Variants in LAMA1 observed in about 807,000 individuals in gnomAD.
The protein encoded by LAMA1 is laminin subunit alpha 1.
Under a neutral mutation model 348.7 loss-of-function variants are expected in LAMA1, and 219 were observed. The observed-to-expected ratio is 0.63, with a 90% confidence interval of 0.56 to 0.70. The LOEUF is 0.70. LAMA1 is among the 30% of genes least tolerant of loss of function. The pLI is 0.00. For synonymous variants in LAMA1, 1,487 were observed against 1,491.0 expected (o/e 1.00, Z 0.06); for missense variants, 3,744 against 3,888.0 (o/e 0.96, Z 0.99).
At chr18:7,076,662 TA>T (rs57167873) in intron 3 of LAMA1, among the ~76,000 whole-genome samples, 8,582 of 135,620 alleles carry the variant, frequency 0.063, 625 homozygotes, top group African/African-American at 0.19. Context: ...GGATCCTGGT[TA>T]AAAAAAAAAA....
At chr18:6,995,226 G>A (rs982614274) in intron 34 of LAMA1, 131 bp downstream of exon 34, 17 of 740,134 alleles carry the variant, frequency 2.3e-5, no homozygotes, top group Middle Eastern at 3.1e-4. Context: ...TAAGTACCTG[G>A]AGCACAGCTC....
At chr18:6,989,481 A>G (rs891838169) in intron 36 of LAMA1, among the ~76,000 whole-genome samples, 1 of 152,338 alleles carries the variant, frequency 6.6e-6, no homozygotes, top group African/African-American at 2.4e-5. Context: ...TTTAAGAATT[A>G]TAATTAAAAA....
chr18:7,067,545 G>T (rs992065520), intron 3 of LAMA1, among the ~76,000 whole-genome samples: 1 of 151,962 alleles, frequency 6.6e-6, no homozygotes, highest in East Asian at 1.9e-4. Flanking sequence ...AATTGGCTGG[G>T]AAGGGGGTGG....
chr18:7,064,477 G>A (rs572914772), intron 3 of LAMA1, among the ~76,000 whole-genome samples: 31 of 152,172 alleles, frequency 2.0e-4, no homozygotes, highest in African/African-American at 6.3e-4. Context: ...ACCTGATTTC[G>A]GTCACATTCT....
At chr18:7,010,493 A>G in intron 25 of LAMA1, 108 bp from the exon 26 acceptor site, 2 of 1,029,420 alleles carry the variant, frequency 1.9e-6, no homozygotes, top group South Asian at 1.4e-5. Flanking sequence ...TTAAAAATAC[A>G]TCACATGGGT....
rs1308451803 is a variant in LAMA1 at position 7,033,081 on chromosome 18, G to A, written c.2066C>T (p.Ser689Phe). The change falls in exon 15 of 63, where the codon TCT becomes TTT. Residue 689 changes from serine (S) to phenylalanine (F), a missense_variant. By Grantham distance (155) the Ser-to-Phe change is radical (BLOSUM62 -2). Coordinates refer to ENST00000389658, the MANE Select transcript of LAMA1 (RefSeq NM_005559.4). ...KMALYRLESV[S>F]LDIASSNAID... The stretch of plus-strand genomic sequence containing the variant: ...GGCATTAGAGCTGGCTATGTCCAGA[G>A]AGACGGACTCCAACCTACAAATAGA... The A allele has an allele frequency of 3.1e-6, 5 of 1,610,440 alleles. No homozygotes were observed. The highest frequency in any genetic ancestry group is 4.2e-6 in the Non-Finnish European group (5 of 1,178,230).
At chr18:6,956,439 T>C (rs1304906793) in intron 56 of LAMA1, 197 bp downstream of exon 56, 3 of 807,920 alleles carry the variant, frequency 3.7e-6, no homozygotes, top group Non-Finnish European at 6.3e-6. Context: ...AATCTATGGA[T>C]TGGGCCGTGT....
At chr18:6,962,693 T>A (rs1255078594) in intron 51 of LAMA1, among the ~76,000 whole-genome samples, 1 of 152,224 alleles carries the variant, frequency 6.6e-6, no homozygotes, top group Non-Finnish European at 1.5e-5. Flanking sequence ...CCAGTCTCCA[T>A]GTAGAGTAGA....
chr18:7,083,375 G>A (rs975558399), intron 1 of LAMA1, among the ~76,000 whole-genome samples: 4 of 151,552 alleles, frequency 2.6e-5, no homozygotes, highest in East Asian at 3.9e-4. Flanking sequence ...TAATAGAGAC[G>A]GAGTTTCACC....
chr18:6,957,712 T>A (rs1298919519), intron 55 of LAMA1, among the ~76,000 whole-genome samples: 1 of 152,134 alleles, frequency 6.6e-6, no homozygotes, highest in Non-Finnish European at 1.5e-5. Flanking sequence ...CAAGGAGGAA[T>A]GAACTGCTCA....
rs71165722 is a variant in LAMA1, at chr18:7,099,491, CA to C, written c.61+18168del. ...AAAAATAAATAAATTTAAAAAAAAACAAAAAAAAAAATGAACTTACACCCTG... is the reference window on the plus strand; with the variant it reads ...AAAAATAAATAAATTTAAAAAAAAACAAAAAAAAAATGAACTTACACCCTG... On this transcript the variant is annotated intron_variant, in intron 1 of 62. Coordinates refer to ENST00000389658, the MANE Select transcript of LAMA1 (RefSeq NM_005559.4). Among the ~76,000 whole-genome samples, 1,133 of 144,150 alleles carry C rather than the reference CA, an allele frequency of 7.9e-3. 13 individuals carry two copies. The highest frequency in any genetic ancestry group is 0.013 in the African/African-American group (510 of 39,178). 94.6% of individuals were successfully genotyped at this position (144,150 alleles called of 152,430 possible).
At chr18:6,947,017 G>A (rs1367679014) in intron 61 of LAMA1, 146 bp downstream of exon 61, 2 of 1,060,210 alleles carry the variant, frequency 1.9e-6, no homozygotes, top group East Asian at 2.6e-5. Context: ...AGGTTTTCTT[G>A]TAGCAATATC....
intron 3 of LAMA1, among the ~76,000 whole-genome samples, chr18:7,056,928 G>A (rs531144058): frequency 1.5e-4 from 23 of 151,398 alleles, no homozygotes; most frequent in Non-Finnish European, 3.1e-4. Context: ...CTGGAGTGCA[G>A]TGGCATGATC....
intron 1 of LAMA1, among the ~76,000 whole-genome samples, chr18:7,080,775 A>C (rs1382918987): frequency 6.6e-6 from 1 of 152,196 alleles, no homozygotes; most frequent in African/African-American, 2.4e-5. Flanking sequence ...GCAATTGTGA[A>C]AAATCATAGA....
At chr18:6,975,161 A>C in intron 45 of LAMA1, 125 bp from the exon 46 acceptor site, 1 of 1,150,282 alleles carries the variant, frequency 8.7e-7, no homozygotes, top group Non-Finnish European at 1.2e-6. Context: ...CATAAAAAGC[A>C]AACCCCCCAA....
chr18:7,092,284 C>G lies in LAMA1; in HGVS notation c.62-11827G>C, dbSNP rs867006797. On this transcript the variant is annotated intron_variant, in intron 1 of 62. Transcript: ENST00000389658. ...AGAATTGTCTTCATTGTCTCCAATT[C>G]TTTGCCTCACATTCTCTCTTCACTC... Among the ~76,000 whole-genome samples the G allele has an allele frequency of 2.0e-5, 3 of 152,312 alleles. 1 individual carries two copies. In the Middle Eastern group the frequency reaches 0.01, roughly 518 times the overall value.
At chr18:7,006,683 G>A (rs945744925) in intron 29 of LAMA1, among the ~76,000 whole-genome samples, 8 of 152,144 alleles carry the variant, frequency 5.3e-5, no homozygotes, top group Non-Finnish European at 1.2e-4. Context: ...AGGCCATATG[G>A]TAGAGCCTAT....
At chr18:6,982,660 T>C in intron 40 of LAMA1, 70 bp from the exon 41 acceptor site, 1 of 1,270,384 alleles carries the variant, frequency 7.9e-7, no homozygotes, top group South Asian at 1.2e-5. Flanking sequence ...ACAGAGGAAG[T>C]GACTCCATCA....
chr18:7,090,167 T>C (rs2058234057), intron 1 of LAMA1, among the ~76,000 whole-genome samples: 1 of 152,218 alleles, frequency 6.6e-6, no homozygotes, highest in South Asian at 2.1e-4. Context: ...CTGTTTCCAG[T>C]TATTTGTTAT....
Sources: allele counts gnomAD v4.1 joint callset (sites outside exome capture counted in the v4.1 genomes callset), GRCh38; gene constraint gnomAD v4.1.1; transcripts MANE v1.5; gene names NCBI Gene and HGNC (gene_info 2026-07-23, HGNC 2026-07-21).